Variants in STAB2 observed in about 807,000 individuals in gnomAD.
STAB2 encodes stabilin 2, also known as stabilin-2.
In STAB2, 288 loss-of-function variants were observed where a neutral mutation model predicts 338.1. That is an observed-to-expected ratio of 0.85 (90% CI 0.77 to 0.94). The LOEUF is 0.94. STAB2 is among the 40% of genes least tolerant of loss of function. The pLI is 0.00. For synonymous variants in STAB2, 1,202 were observed against 1,193.3 expected, an observed-to-expected ratio of 1.01 and a Z score of -0.15; for missense variants, 3,141 against 3,210.1, an observed-to-expected ratio of 0.98 and a Z score of 0.52.
chr12:103,762,464 T>C (rs1358767769), intron 67 of STAB2, 62 bp downstream of exon 67: 5 of 1,609,882 alleles, frequency 3.1e-6, no homozygotes, highest in Non-Finnish European at 4.2e-6. Context: ...TCCCTGGACC[T>C]GGGCTGCTTC....
intron 57 of STAB2, 24 bp from the exon 58 acceptor site, chr12:103,746,573 T>C: frequency 1.2e-6 from 2 of 1,609,880 alleles, no homozygotes; most frequent in South Asian, 1.1e-5. Flanking sequence ...GGGTACAGAA[T>C]GAAAGTGGCC....
chr12:103,748,057 A>C (rs1370870706), intron 58 of STAB2, among the ~76,000 whole-genome samples: 1 of 152,100 alleles, frequency 6.6e-6, no homozygotes, highest in Non-Finnish European at 1.5e-5. Flanking sequence ...TTGAGGAAAA[A>C]TCAGCAGTCT....
At chr12:103,748,201 A>C (rs1007467306) in intron 58 of STAB2, among the ~76,000 whole-genome samples, 3 of 152,198 alleles carry the variant, frequency 2.0e-5, no homozygotes, top group Non-Finnish European at 4.4e-5. Flanking sequence ...GTCAGCATTC[A>C]ACAATGGCAA....
intron 43 of STAB2, 145 bp downstream of exon 43, chr12:103,716,033 A>G: frequency 3.3e-6 from 3 of 916,284 alleles, no homozygotes; most frequent in Non-Finnish European, 4.9e-6. Flanking sequence ...TTCTGAAAGA[A>G]TCAAGAGGCC....
chr12:103,619,482 T>C (rs1385306584), intron 3 of STAB2, among the ~76,000 whole-genome samples: 1 of 152,202 alleles, frequency 6.6e-6, no homozygotes, highest in Non-Finnish European at 1.5e-5. Flanking sequence ...TTGTGGGCAT[T>C]GTAATTTCTG....
chr12:103,727,007 A>T (rs533349875), intron 46 of STAB2, among the ~76,000 whole-genome samples: 13 of 152,310 alleles, frequency 8.5e-5, no homozygotes, highest in African/African-American at 2.6e-4. Context: ...GGGACTAGGG[A>T]GGCAGCTATT....
chr12:103,764,319 C>T (rs2139256372), intron 68 of STAB2, among the ~76,000 whole-genome samples: 1 of 152,324 alleles, frequency 6.6e-6, no homozygotes, highest in Admixed American at 6.5e-5. Context: ...GTTGTCAGAG[C>T]TGCTGCTTTC....
In STAB2 at chr12:103,622,080, C is replaced by T. The variant is rs767507326; in HGVS notation, c.456C>T (p.Asp152=). The T allele has an allele frequency of 2.8e-5, 45 of 1,614,044 alleles. No homozygotes were observed. Among genetic ancestry groups the T allele is most frequent in the Admixed American group, 1.2e-4 (7 of 59,994 alleles). Residue 152 remains aspartate, a synonymous_variant, in exon 5 of 69, where the codon GAC becomes GAT. Transcript: ENST00000388887. ...GAACAGCCTGTGAAACCTGTGCTGA[C>T]GACAACTTATTTGGACCCAGCTGTT... ...FGGTACETCA[D]DNLFGPSCSS...
chr12:103,745,038 C>CAATG (rs1298263889), intron 56 of STAB2, 135 bp from the exon 57 acceptor site: 4 of 693,620 alleles, frequency 5.8e-6, no homozygotes, highest in Non-Finnish European at 9.3e-6. Flanking sequence ...TTAGATGTTT[C>CAATG]AATGAATGAA....
intron 15 of STAB2, 123 bp downstream of exon 15, chr12:103,655,704 C>A (rs1874131226): frequency 3.1e-5 from 37 of 1,202,078 alleles, no homozygotes; most frequent in Non-Finnish European, 4.0e-5. Flanking sequence ...ACCTACCCTC[C>A]AACAACCAAG....
intron 36 of STAB2, among the ~76,000 whole-genome samples, 172 bp from the exon 37 acceptor site, chr12:103,705,460 C>T (rs1879260718): frequency 6.6e-6 from 1 of 152,254 alleles, no homozygotes; most frequent in Admixed American, 6.5e-5. Flanking sequence ...CGGCAACCAA[C>T]ATTGTGTTTT....
intron 3 of STAB2, among the ~76,000 whole-genome samples, chr12:103,601,225 A>G (rs1956949588): frequency 6.6e-6 from 1 of 152,132 alleles, no homozygotes; most frequent in African/African-American, 2.4e-5. Context: ...CAGGGTCTAC[A>G]TTGCTAAAAT....
chr12:103,694,643 C>G (rs953993051), intron 31 of STAB2, among the ~76,000 whole-genome samples: 2 of 152,028 alleles, frequency 1.3e-5, no homozygotes, highest in African/African-American at 4.8e-5. Context: ...ATGCTGTGAG[C>G]TCATTTAGGG....
intron 5 of STAB2, among the ~76,000 whole-genome samples, chr12:103,623,626 C>T (rs1481155951): frequency 6.6e-6 from 1 of 152,134 alleles, no homozygotes; most frequent in Non-Finnish European, 1.5e-5. Flanking sequence ...CCCAGAGTCT[C>T]CAAAAAGGAG....
chr12:103,673,954 G>A lies in STAB2; in HGVS notation c.2419G>A (p.Gly807Arg). 1 of 1,614,072 alleles carries A rather than the reference G, an allele frequency of 6.2e-7. No individual in the cohort carries two copies. The highest frequency in any genetic ancestry group is 8.5e-7 in the Non-Finnish European group (1 of 1,180,002). Reference sequence around the variant, plus strand: ...ATGCAATAACAGGATAGACAGCGATGGGGCCTGCCTCACTGGCACATGCAG... The same window carrying A: ...ATGCAATAACAGGATAGACAGCGATAGGGCCTGCCTCACTGGCACATGCAG... ...GTCNNRIDSDGACLTGTCRDG... is the reference protein window; with the variant it reads ...GTCNNRIDSDRACLTGTCRDG... Residue 807 changes from glycine (G) to arginine (R), a missense_variant, in exon 23 of 69, where the codon GGG becomes AGG. Transcript: ENST00000388887.
chr12:103,633,372 T>C (rs1957494370), intron 6 of STAB2, among the ~76,000 whole-genome samples: 1 of 152,162 alleles, frequency 6.6e-6, no homozygotes, highest in African/African-American at 2.4e-5. Flanking sequence ...AAGTCCAAAA[T>C]CTAAATTTCA....
At chr12:103,734,524 CAAACAT>C (rs1420219651) in intron 51 of STAB2, among the ~76,000 whole-genome samples, 1 of 152,078 alleles carries the variant, frequency 6.6e-6, no homozygotes, top group East Asian at 1.9e-4. Flanking sequence ...CATATGGGAG[CAAACAT>C]GATCATATAG....
intron 34 of STAB2, 39 bp from the exon 35 acceptor site, chr12:103,703,109 A>C: frequency 3.1e-6 from 5 of 1,598,608 alleles, no homozygotes; most frequent in Non-Finnish European, 4.3e-6. Context: ...TATCTCTTTA[A>C]ATGTCATAAA....
intron 8 of STAB2, 92 bp downstream of exon 8, chr12:103,638,304 T>A (rs1957585521): frequency 7.2e-7 from 1 of 1,379,986 alleles, no homozygotes; most frequent in Non-Finnish European, 9.8e-7. Context: ...CCATCCCAAT[T>A]CTCCCTTTCA....
Sources: gnomAD v4.1 joint callset for allele counts (sites outside exome capture counted in the v4.1 genomes callset) on GRCh38, gnomAD v4.1.1 for gene constraint, MANE v1.5 for transcripts, NCBI Gene and HGNC (gene_info 2026-07-23, HGNC 2026-07-21) for gene names.